Variants in CNTN4 observed in about 807,000 individuals in gnomAD.
The protein encoded by CNTN4 is contactin 4.
In CNTN4, 77 loss-of-function variants were observed where a neutral mutation model predicts 122.5. That is an observed-to-expected ratio of 0.63 (90% CI 0.52 to 0.76). The LOEUF (loss-of-function observed/expected upper bound fraction) is 0.76, where lower values mean the gene tolerates loss of function less well. CNTN4 is among the 30% of genes least tolerant of loss of function. CNTN4 has a pLI of 0.00. For missense variants in CNTN4, 1,256 were observed against 1,259.1 expected (o/e 1.00, Z 0.04); for synonymous variants, 512 against 447.0 (o/e 1.15, Z -1.83).
intron 4 of CNTN4, among the ~76,000 whole-genome samples, chr3:2,642,011 A>G (rs2082914193): frequency 6.6e-6 from 1 of 152,236 alleles, no homozygotes; most frequent in South Asian, 2.1e-4. Context: ...GACAGAACTA[A>G]TAGGATAGAT....
intron 3 of CNTN4, among the ~76,000 whole-genome samples, chr3:2,458,412 T>G (rs1044692203): frequency 4.6e-5 from 7 of 152,292 alleles, no homozygotes; most frequent in African/African-American, 1.7e-4. Context: ...TACTTGTATC[T>G]TTTTAAATAA....
intron 13 of CNTN4, among the ~76,000 whole-genome samples, chr3:2,961,842 G>A (rs1223300491): frequency 6.6e-6 from 1 of 152,196 alleles, no homozygotes; most frequent in African/African-American, 2.4e-5. Flanking sequence ...GAAAAACACT[G>A]TGTAGAGGGG....
chr3:2,846,680 G>T (rs961796354), intron 7 of CNTN4, among the ~76,000 whole-genome samples: 1 of 152,174 alleles, frequency 6.6e-6, no homozygotes, highest in Admixed American at 6.5e-5. Context: ...TAGCTGTTGA[G>T]TTGTACACTG....
At chr3:2,843,987 C>G (rs910506392) in intron 7 of CNTN4, among the ~76,000 whole-genome samples, 2 of 152,180 alleles carry the variant, frequency 1.3e-5, no homozygotes, top group Non-Finnish European at 2.9e-5. Context: ...CCCCCATAAA[C>G]TGGCCCCTGG....
chr3:2,229,957 G>GAGTT (rs560364901), intron 2 of CNTN4, among the ~76,000 whole-genome samples: 26 of 152,140 alleles, frequency 1.7e-4, no homozygotes, highest in Non-Finnish European at 3.2e-4. Context: ...GAATGTGAGG[G>GAGTT]AGTTATCAGG....
intron 3 of CNTN4, among the ~76,000 whole-genome samples, chr3:2,553,948 T>G (rs1208427707): frequency 6.6e-6 from 1 of 152,188 alleles, no homozygotes; most frequent in Non-Finnish European, 1.5e-5. Flanking sequence ...ATGCTCATTT[T>G]TACCAGGAGT....
intron 10 of CNTN4, 69 bp downstream of exon 10, chr3:2,887,293 A>G (rs2093989719): frequency 1.4e-6 from 2 of 1,428,538 alleles, no homozygotes; most frequent in Non-Finnish European, 1.9e-6. Context: ...TCATAAGCTG[A>G]GAGGCATTCA....
chr3:2,676,462 T>C (rs951451017), intron 4 of CNTN4, among the ~76,000 whole-genome samples: 2 of 152,198 alleles, frequency 1.3e-5, no homozygotes, highest in Non-Finnish European at 2.9e-5. Flanking sequence ...CCTCAAGTGA[T>C]CCGGCTGCCT....
intron 3 of CNTN4, among the ~76,000 whole-genome samples, 174 bp downstream of exon 3, chr3:2,339,407 C>T (rs1309042525): frequency 6.6e-6 from 1 of 152,046 alleles, no homozygotes; most frequent in African/African-American, 2.4e-5. Flanking sequence ...TAAATTAAAG[C>T]CTGAAACTAA....
chr3:2,499,544 A>C (rs2076541378), intron 3 of CNTN4, among the ~76,000 whole-genome samples: 1 of 151,964 alleles, frequency 6.6e-6, no homozygotes, highest in Non-Finnish European at 1.5e-5. Context: ...ACTTGGGTGG[A>C]TTTGTATTGG....
intron 3 of CNTN4, among the ~76,000 whole-genome samples, chr3:2,499,153 C>G (rs183749504): frequency 1.3e-5 from 2 of 152,246 alleles, no homozygotes; most frequent in Admixed American, 6.5e-5. Context: ...AAGATTTTCT[C>G]TTGCATCCTC....
chr3:2,617,297 A>C (rs2081796478), intron 4 of CNTN4, among the ~76,000 whole-genome samples: 2 of 152,106 alleles, frequency 1.3e-5, no homozygotes, highest in Admixed American at 1.3e-4. Context: ...ATTTTCAAGA[A>C]AAAAACAACC....
rs140976700 is a variant in CNTN4, at chr3:2,542,219, A to G, written c.-88-29197A>G. Among the ~76,000 whole-genome samples the G allele has an allele frequency of 4.9e-4, 75 of 152,274 alleles. No individual in the cohort carries two copies. In the East Asian group the frequency reaches 0.011, roughly 22 times the overall value. ...ATGCTAGAAGTAAGACTGACTGTGA[A>G]ATAGCTGCAGCCAACTGGCCTCTCA... is the stretch of plus-strand genomic sequence containing the variant. On this transcript the variant is annotated intron_variant, in intron 3 of 24. Coordinates refer to ENST00000418658, the MANE Select transcript of CNTN4 (RefSeq NM_175607.3).
At chr3:2,740,919 C>G (rs2089422120) in intron 5 of CNTN4, among the ~76,000 whole-genome samples, 1 of 152,134 alleles carries the variant, frequency 6.6e-6, no homozygotes, top group South Asian at 2.1e-4. Flanking sequence ...CATTATTCAT[C>G]CTTCAAACCT....
chr3:2,597,459 A>C (rs1225763112), intron 4 of CNTN4, among the ~76,000 whole-genome samples: 1 of 152,184 alleles, frequency 6.6e-6, no homozygotes, highest in African/African-American at 2.4e-5. Context: ...AAGTTAATAA[A>C]AATGCGAAAG....
intron 2 of CNTN4, among the ~76,000 whole-genome samples, chr3:2,269,762 CCCTTATTTATAAAAAACGATGAAATGAA>C (rs1483058638): frequency 6.6e-6 from 1 of 152,002 alleles, no homozygotes; most frequent in Non-Finnish European, 1.5e-5. Context: ...AGAGTCTCTA[CCCTTATTTATAAAAAACGATGAAATGAA>C]ACTCAGTAGT....
In CNTN4 at chr3:2,580,250, T is replaced by C. The variant is rs573907117; in HGVS notation, c.55+8692T>C. 6.5e-4 allele frequency among the ~76,000 whole-genome samples: 99 copies of C among 152,194 alleles called. 1 individual carries two copies. The highest frequency in any genetic ancestry group is 2.3e-3 in the African/African-American group (97 of 41,518). ...TGGTGTTGGTGACAGCCAGAACATTTAGGGTCTGTCTCCTGGCAGCAAGGC... is the reference window on the plus strand; with the variant it reads ...TGGTGTTGGTGACAGCCAGAACATTCAGGGTCTGTCTCCTGGCAGCAAGGC... On this transcript the variant is annotated intron_variant, in intron 4 of 24. Coordinates refer to ENST00000418658, the MANE Select transcript of CNTN4 (RefSeq NM_175607.3).
intron 6 of CNTN4, 44 bp downstream of exon 6, chr3:2,745,741 G>A (rs536311526): frequency 9.6e-6 from 15 of 1,567,240 alleles, no homozygotes; most frequent in Middle Eastern, 1.7e-4. Context: ...CTTTCAGTTT[G>A]TGTACCATTA....
chr3:2,833,541 T>A (rs921943373), intron 7 of CNTN4, among the ~76,000 whole-genome samples: 5 of 152,208 alleles, frequency 3.3e-5, no homozygotes, highest in Non-Finnish European at 7.3e-5. Flanking sequence ...TCCATGTGAG[T>A]TCATCATCCT....
Sources: allele counts gnomAD v4.1 joint callset (sites outside exome capture counted in the v4.1 genomes callset), GRCh38; gene constraint gnomAD v4.1.1; transcripts MANE v1.5; gene names NCBI Gene and HGNC (gene_info 2026-07-23, HGNC 2026-07-21).